PPP1R16B: variants seen among roughly 807,000 people sequenced by gnomAD.
PPP1R16B encodes the protein protein phosphatase 1 regulatory inhibitor subunit 16B.
In PPP1R16B, 14 loss-of-function variants were observed where a neutral mutation model predicts 61.7. The ratio of observed to expected loss-of-function variants is 0.23; its 90% CI spans 0.15 to 0.35. The LOEUF (loss-of-function observed/expected upper bound fraction) is 0.35, where lower values mean the gene tolerates loss of function less well. PPP1R16B is among the 10% of genes least tolerant of loss of function. The pLI, the probability that PPP1R16B is intolerant of heterozygous loss-of-function variation, is 1.00. For synonymous variants in PPP1R16B, 266 were observed against 305.3 expected (o/e 0.87, Z 1.34); for missense variants, 547 against 752.5 (o/e 0.73, Z 3.19).
intron 1 of PPP1R16B, among the ~76,000 whole-genome samples, chr20:38,809,265 C>A (rs1196962467): frequency 6.6e-6 from 1 of 152,092 alleles, no homozygotes; most frequent in African/African-American, 2.4e-5. Context: ...TGGGGGCTCA[C>A]TCCTGGGAAC....
At chr20:38,816,507 G>A (rs2084736180) in intron 1 of PPP1R16B, among the ~76,000 whole-genome samples, 1 of 152,198 alleles carries the variant, frequency 6.6e-6, no homozygotes, top group African/African-American at 2.4e-5. Context: ...GTATTGTAAA[G>A]GGACCTCCTT....
In PPP1R16B at chr20:38,918,083, C is replaced by T. The variant is rs2085556472; in HGVS notation, c.1195-74C>T. 3 of 1,560,954 alleles carry T rather than the reference C, an allele frequency of 1.9e-6. No homozygotes were observed. The highest frequency in any genetic ancestry group is 1.4e-5 in the African/African-American group (1 of 74,020). On this transcript the variant is annotated intron_variant, in intron 10 of 10. Coordinates refer to ENST00000299824, the MANE Select transcript of PPP1R16B (RefSeq NM_015568.4). This position sits in a 1 kb window ranked among gnomAD's most constrained non-coding sequence, Gnocchi z 5.3. ...GAGGAAAAGTCCAAACAATAATGCC[C>T]TCAGCAGAGAGACAGGTGGATAGTA...
intron 5 of PPP1R16B, among the ~76,000 whole-genome samples, chr20:38,901,072 C>T (rs535393818): frequency 2.2e-4 from 33 of 152,320 alleles, no homozygotes; most frequent in Non-Finnish European, 4.1e-4. Context: ...CCAGGCACCA[C>T]GCTGGCTGCC....
At chr20:38,809,808 C>T (rs149274149) in intron 1 of PPP1R16B, among the ~76,000 whole-genome samples, 11 of 151,826 alleles carry the variant, frequency 7.2e-5, no homozygotes, top group Non-Finnish European at 1.2e-4. Flanking sequence ...GGCAAAACCC[C>T]GTCTCTACAA....
At chr20:38,870,758 G>A (rs927183410) in intron 2 of PPP1R16B, among the ~76,000 whole-genome samples, 32 of 152,208 alleles carry the variant, frequency 2.1e-4, no homozygotes, top group African/African-American at 7.7e-4. Flanking sequence ...CAGACTCTGG[G>A]CCAATTTCCT....
In PPP1R16B at chr20:38,907,773, C is replaced by G. The variant is rs373139920; in HGVS notation, c.899-33C>G. 1.0e-3 allele frequency: 1,636 copies of G among 1,612,368 alleles called. 1 individual carries two copies. The highest frequency in any genetic ancestry group is 1.2e-3 in the Non-Finnish European group (1,404 of 1,179,262). ...CCTCTTGCGCCACAGGTCCTGGCCCCGTCCCCCACAACAGACTCCTCTGCC... is the reference window on the plus strand; with the variant it reads ...CCTCTTGCGCCACAGGTCCTGGCCCGGTCCCCCACAACAGACTCCTCTGCC... On this transcript the variant is annotated intron_variant, in intron 8 of 10. Transcript: ENST00000299824. This position sits in a 1 kb window ranked among gnomAD's most constrained non-coding sequence, Gnocchi z 4.5.
At chr20:38,842,541 G>A (rs1276925472) in intron 2 of PPP1R16B, among the ~76,000 whole-genome samples, 1 of 152,116 alleles carries the variant, frequency 6.6e-6, no homozygotes, top group African/African-American at 2.4e-5. Flanking sequence ...TTTTCTCACT[G>A]TAAAAGTTTT....
At chr20:38,818,726 C>G (rs1201257205) in intron 1 of PPP1R16B, among the ~76,000 whole-genome samples, 9 of 150,838 alleles carry the variant, frequency 6.0e-5, no homozygotes, top group Admixed American at 5.3e-4. Flanking sequence ...GGGCAGTGGT[C>G]GAGTGTGTAG....
Position 38,918,434 on chromosome 20 carries a change from A to C in PPP1R16B, c.1472A>C (p.Lys491Thr), listed in dbSNP as rs1368283477. The C allele has an allele frequency of 1.2e-6, 2 of 1,614,180 alleles. No individual in the cohort carries two copies. Among genetic ancestry groups the C allele is most frequent in the Non-Finnish European group, 1.7e-6 (2 of 1,180,038 alleles). Residue 491 changes from lysine (K) to threonine (T), a missense_variant, in exon 11 of 11, where the codon AAG (lysine) becomes ACG (threonine). By Grantham distance (78) the Lys-to-Thr change is moderately conservative (BLOSUM62 -1). Coordinates refer to ENST00000299824, the MANE Select transcript of PPP1R16B (RefSeq NM_015568.4). The surrounding 1 kb of genome is among the most constrained non-coding windows in gnomAD (Gnocchi z 5.3). ...CTGAAGCGGCAGCGGGCTGCAGCCA[A>C]GCTGCTCAGCCACCCCTTCCTTAGC... is the stretch of plus-strand genomic sequence containing the variant. The part of the protein sequence containing the change: ...LELKRQRAAA[K>T]LLSHPFLSTH...
chr20:38,888,506 T>C (rs904932765), intron 2 of PPP1R16B, among the ~76,000 whole-genome samples: 1 of 152,072 alleles, frequency 6.6e-6, no homozygotes, highest in African/African-American at 2.4e-5. Context: ...TCGGAGTCAT[T>C]TGGACAGGGA....
intron 4 of PPP1R16B, among the ~76,000 whole-genome samples, chr20:38,896,454 T>C (rs1385860831): frequency 6.6e-6 from 1 of 151,624 alleles, no homozygotes; most frequent in Non-Finnish European, 1.5e-5. Context: ...CAGTTCCCCT[T>C]TACTCTCCCC....
At chr20:38,837,441 A>C (rs969929113) in intron 2 of PPP1R16B, among the ~76,000 whole-genome samples, 30 of 152,272 alleles carry the variant, frequency 2.0e-4, no homozygotes, top group African/African-American at 6.7e-4. Context: ...AGACAATGCT[A>C]TCTAGGATAT....
chr20:38,885,213 AAAG>A (rs369441901), intron 2 of PPP1R16B, among the ~76,000 whole-genome samples: 14 of 151,938 alleles, frequency 9.2e-5, no homozygotes, highest in East Asian at 5.8e-4. Flanking sequence ...AATAATAATA[AAAG>A]AAGAAGAAGA....
chr20:38,820,553 C>T (rs1486358623), intron 1 of PPP1R16B, among the ~76,000 whole-genome samples: 8 of 149,702 alleles, frequency 5.3e-5, no homozygotes, highest in South Asian at 2.1e-4. Context: ...AACGAAACTT[C>T]GTCTCAAAAA....
At chr20:38,834,839 AAC>A (rs1329262610) in intron 1 of PPP1R16B, among the ~76,000 whole-genome samples, 1 of 152,196 alleles carries the variant, frequency 6.6e-6, no homozygotes, top group African/African-American at 2.4e-5. Flanking sequence ...TATAATATAT[AAC>A]ATTTTGATGA....
intron 3 of PPP1R16B, among the ~76,000 whole-genome samples, chr20:38,892,535 C>T (rs2085299999): frequency 6.6e-6 from 1 of 152,120 alleles, no homozygotes; most frequent in East Asian, 1.9e-4. Flanking sequence ...ATTGTGTACC[C>T]ACTCCATGCC....
intron 2 of PPP1R16B, among the ~76,000 whole-genome samples, chr20:38,880,077 C>G (rs1440632334): frequency 6.6e-6 from 1 of 152,122 alleles, no homozygotes; most frequent in Non-Finnish European, 1.5e-5. Flanking sequence ...TTCACTTCTG[C>G]GGTCATCAGA....
chr20:38,887,237 T>C (rs549598498), intron 2 of PPP1R16B, among the ~76,000 whole-genome samples: 44 of 152,288 alleles, frequency 2.9e-4, no homozygotes, highest in Non-Finnish European at 4.9e-4. Flanking sequence ...AAGACTATTG[T>C]GGAAAGTGTT....
At chr20:38,890,541 T>A (rs1303601173) in intron 3 of PPP1R16B, among the ~76,000 whole-genome samples, 1 of 152,232 alleles carries the variant, frequency 6.6e-6, no homozygotes, top group Non-Finnish European at 1.5e-5. Context: ...GTGATAGACA[T>A]ACCCTTTGTC....
Sources: allele counts gnomAD v4.1 joint callset (sites outside exome capture counted in the v4.1 genomes callset), GRCh38; gene constraint gnomAD v4.1.1; non-coding constraint Gnocchi (gnomAD v3.1); transcripts MANE v1.5; gene names NCBI Gene and HGNC (gene_info 2026-07-23, HGNC 2026-07-21).